Variants in SYT1 observed in about 807,000 individuals in gnomAD.
SYT1 encodes the protein synaptotagmin-1.
A neutral mutation model predicts 44.8 loss-of-function variants in SYT1; 8 were observed. The observed-to-expected ratio is 0.18, with a 90% CI of 0.10 to 0.32. The LOEUF is 0.32. Ranked by LOEUF, SYT1 falls within the 10% of genes least tolerant of loss-of-function variation. The pLI is 1.00. For synonymous variants in SYT1, 154 were observed against 188.8 expected (o/e 0.82, Z 1.51); for missense variants, 286 against 509.3 (o/e 0.56, Z 4.22).
At chr12:79,413,517 G>A (rs1298807799) in intron 9 of SYT1, among the ~76,000 whole-genome samples, 1 of 152,168 alleles carries the variant, frequency 6.6e-6, no homozygotes, top group Non-Finnish European at 1.5e-5. Flanking sequence ...TACATTTAAA[G>A]CCAATACAGT....
chr12:79,011,378 G>A (rs1350527794), intron 2 of SYT1, among the ~76,000 whole-genome samples: 1 of 151,838 alleles, frequency 6.6e-6, no homozygotes, highest in African/African-American at 2.4e-5. Context: ...GACCAGATTG[G>A]GAAATTACAG....
At chr12:79,223,667 T>C (rs1173430130) in intron 4 of SYT1, among the ~76,000 whole-genome samples, 1 of 152,126 alleles carries the variant, frequency 6.6e-6, no homozygotes, top group African/African-American at 2.4e-5. Flanking sequence ...GAGGGTGACC[T>C]GAAGCCCAAG....
chr12:79,160,463 G>A (rs1305441434), intron 3 of SYT1, among the ~76,000 whole-genome samples: 1 of 152,104 alleles, frequency 6.6e-6, no homozygotes, highest in African/African-American at 2.4e-5. Context: ...CGTGAACTAA[G>A]GGAAAGCATT....
chr12:79,030,347 C>T (rs1052011249), intron 2 of SYT1, among the ~76,000 whole-genome samples: 1 of 150,884 alleles, frequency 6.6e-6, no homozygotes, highest in Non-Finnish European at 1.5e-5. Flanking sequence ...ACCTTATTCT[C>T]CTGCCACACT....
intron 1 of SYT1, among the ~76,000 whole-genome samples, chr12:78,966,520 G>T (rs529449959): frequency 7.0e-4 from 106 of 152,188 alleles, no homozygotes; most frequent in African/African-American, 2.5e-3. Flanking sequence ...ATTTTGCCTA[G>T]CAAACTATAG....
At chr12:78,913,957 T>A (rs1410737152) in intron 1 of SYT1, among the ~76,000 whole-genome samples, 2 of 151,830 alleles carry the variant, frequency 1.3e-5, no homozygotes, top group Non-Finnish European at 2.9e-5. Flanking sequence ...TGGGTTTGCC[T>A]TGAGAAAATC....
At chr12:78,946,706 AAAAAGAAAAAG>A (rs548901156) in intron 1 of SYT1, among the ~76,000 whole-genome samples, 368 of 152,186 alleles carry the variant, frequency 2.4e-3, no homozygotes, top group Non-Finnish European at 3.1e-3. Context: ...AAAAAGAAAA[AAAAAGAAAAAG>A]AAAAGAAAAA....
At chr12:79,262,606 C>G (rs1229899069) in intron 4 of SYT1, among the ~76,000 whole-genome samples, 3 of 152,148 alleles carry the variant, frequency 2.0e-5, no homozygotes, top group African/African-American at 7.2e-5. Flanking sequence ...TTAATTAAAG[C>G]AGCTGACTCG....
Position 79,449,308 on chromosome 12 carries a change from A to G in SYT1, c.*184A>G. The G allele has an allele frequency of 4.9e-6, 3 of 616,510 alleles. No homozygotes were observed. The highest frequency in any genetic ancestry group is 8.4e-6 in the Non-Finnish European group (3 of 356,234). The allele number at this position is 616,510 out of a possible 1,614,324, so 38.2% of individuals were successfully genotyped here. ...GTAGAGAGCCCCTAAGTCCTTCATC[A>G]TACCACTGCCCTCCAAATCTACTCT... On this transcript the variant is annotated 3_prime_UTR_variant, in exon 11 of 11. Transcript: ENST00000261205.
At chr12:78,916,607 A>G (rs1876670006) in intron 1 of SYT1, among the ~76,000 whole-genome samples, 1 of 152,006 alleles carries the variant, frequency 6.6e-6, no homozygotes, top group African/African-American at 2.4e-5. Flanking sequence ...TACATATAAA[A>G]TAAGCAAAGT....
intron 9 of SYT1, among the ~76,000 whole-genome samples, chr12:79,443,015 G>A (rs1366617974): frequency 6.6e-6 from 1 of 152,102 alleles, no homozygotes; most frequent in African/African-American, 2.4e-5. Context: ...TCAACCGTGA[G>A]CATTGGTTTC....
intron 9 of SYT1, among the ~76,000 whole-genome samples, chr12:79,431,511 T>A (rs1002208061): frequency 1.7e-4 from 16 of 91,766 alleles, no homozygotes; most frequent in South Asian, 6.7e-4. Flanking sequence ...TTATTTTATT[T>A]TATTATTTAT....
intron 7 of SYT1, among the ~76,000 whole-genome samples, chr12:79,299,061 A>T (rs1880004948): frequency 6.6e-6 from 1 of 152,158 alleles, no homozygotes; most frequent in African/African-American, 2.4e-5. Context: ...ACTTACTTAT[A>T]GTCAAATGCA....
chr12:78,991,379 T>C (rs562356814), intron 2 of SYT1, among the ~76,000 whole-genome samples: 2 of 152,252 alleles, frequency 1.3e-5, no homozygotes, highest in Admixed American at 1.3e-4. Context: ...GTTGAAGTTT[T>C]TTCTTAGAAA....
intron 4 of SYT1, among the ~76,000 whole-genome samples, chr12:79,273,451 A>G (rs1878541807): frequency 1.3e-5 from 2 of 152,092 alleles, no homozygotes; most frequent in Non-Finnish European, 2.9e-5. Flanking sequence ...AGAGAAACTT[A>G]ACAGAAAAAG....
At chr12:79,434,461 G>T (rs1343191317) in intron 9 of SYT1, among the ~76,000 whole-genome samples, 2 of 152,126 alleles carry the variant, frequency 1.3e-5, no homozygotes, top group African/African-American at 4.8e-5. Context: ...ACCCCCTCAA[G>T]TAAATGTGTT....
At chr12:79,408,126 A>G (rs1868304267) in intron 9 of SYT1, among the ~76,000 whole-genome samples, 2 of 152,130 alleles carry the variant, frequency 1.3e-5, no homozygotes, top group Non-Finnish European at 1.5e-5. Context: ...TCTGAACAGG[A>G]GATGGCAGTA....
chr12:79,385,726 A>ATTG (rs10632647), intron 9 of SYT1, among the ~76,000 whole-genome samples: 82,516 of 150,990 alleles, frequency 0.55, 25,603 homozygotes, highest in Non-Finnish European at 0.69. Context: ...ACAATTACCC[A>ATTG]TTGTTGTTGT....
At chr12:79,261,011 G>T (rs115202812) in intron 4 of SYT1, among the ~76,000 whole-genome samples, 1,727 of 152,198 alleles carry the variant, frequency 0.011, 33 homozygotes, top group African/African-American at 0.038. Flanking sequence ...TCACCTCGCT[G>T]TTGGAACTTC....
Sources: gnomAD v4.1 joint callset for allele counts (sites outside exome capture counted in the v4.1 genomes callset) on GRCh38, gnomAD v4.1.1 for gene constraint, MANE v1.5 for transcripts, NCBI Gene and HGNC (gene_info 2026-07-23, HGNC 2026-07-21) for gene names.